DNAH6: variants seen among roughly 807,000 people sequenced by gnomAD.
The protein encoded by DNAH6 is axonemal beta dynein heavy chain 6.
DNAH6 carries 340 observed loss-of-function variants against 491.4 expected under a neutral mutation model. That is an observed-to-expected ratio of 0.69 (90% CI 0.63 to 0.76). DNAH6 has a LOEUF of 0.76. DNAH6 is among the 30% of genes least tolerant of loss of function. The pLI, the probability that DNAH6 is intolerant of heterozygous loss-of-function variation, is 0.00. For missense variants in DNAH6, 4,443 were observed against 4,972.2 expected (o/e 0.89, Z 3.20); for synonymous variants, 1,603 against 1,686.1 (o/e 0.95, Z 1.21).
intron 62 of DNAH6, among the ~76,000 whole-genome samples, chr2:84,741,666 G>T (rs1022530232): frequency 1.9e-4 from 29 of 152,198 alleles, no homozygotes; most frequent in Non-Finnish European, 3.8e-4. Flanking sequence ...GTGCATGAGT[G>T]TGCCCGTTCT....
chr2:84,757,185 G>A (rs1674115700), intron 63 of DNAH6, among the ~76,000 whole-genome samples: 1 of 152,174 alleles, frequency 6.6e-6, no homozygotes, highest in Non-Finnish European at 1.5e-5. Context: ...ATCCAAAAGA[G>A]GCACAGGGAG....
intron 20 of DNAH6, 49 bp downstream of exon 20, chr2:84,605,641 C>T: frequency 1.7e-6 from 2 of 1,211,650 alleles, no homozygotes; most frequent in Non-Finnish European, 1.2e-6. Flanking sequence ...CCAGCCACAC[C>T]TAGTCTTAAA....
chr2:84,729,598 A>C (rs1698954387), intron 61 of DNAH6, among the ~76,000 whole-genome samples: 1 of 152,236 alleles, frequency 6.6e-6, no homozygotes, highest in Non-Finnish European at 1.5e-5. Context: ...TGTCCATTCC[A>C]GCACCACCTA....
intron 18 of DNAH6, among the ~76,000 whole-genome samples, chr2:84,599,718 T>A (rs1180206677): frequency 6.6e-6 from 1 of 152,210 alleles, no homozygotes; most frequent in Non-Finnish European, 1.5e-5. Context: ...GTTTCATTGT[T>A]CTATAAGCCT....
intron 49 of DNAH6, among the ~76,000 whole-genome samples, chr2:84,702,478 G>A (rs1437119126): frequency 2.0e-5 from 3 of 151,352 alleles, no homozygotes; most frequent in Non-Finnish European, 4.4e-5. Context: ...GTTCTTACCT[G>A]GTTAAATGCC....
chr2:84,564,101 T>C (rs1680934551), intron 11 of DNAH6, among the ~76,000 whole-genome samples: 1 of 152,176 alleles, frequency 6.6e-6, no homozygotes, highest in Non-Finnish European at 1.5e-5. Context: ...TACTGTAGCC[T>C]TGTAGCATAG....
intron 31 of DNAH6, among the ~76,000 whole-genome samples, chr2:84,639,785 A>G (rs1422538840): frequency 6.6e-6 from 1 of 152,204 alleles, no homozygotes; most frequent in African/African-American, 2.4e-5. Context: ...GGGATAGGGC[A>G]GTAAACAAAA....
At chr2:84,808,615 T>C in intron 72 of DNAH6, 73 bp downstream of exon 72, 1 of 1,442,324 alleles carries the variant, frequency 6.9e-7, no homozygotes, top group South Asian at 1.2e-5. Context: ...ATGAAATTCT[T>C]CCATTCCCAT....
chr2:84,667,871 A>T (rs1220472936), intron 37 of DNAH6, among the ~76,000 whole-genome samples: 5 of 152,240 alleles, frequency 3.3e-5, no homozygotes, highest in Admixed American at 6.5e-5. Context: ...TGGATTAAGA[A>T]AATGTGGCAC....
chr2:84,631,951 T>C (rs1367298207), intron 29 of DNAH6, among the ~76,000 whole-genome samples: 2 of 152,226 alleles, frequency 1.3e-5, no homozygotes, highest in African/African-American at 2.4e-5. Context: ...CCTAATATCC[T>C]TTTACCAAGA....
rs777249347 is a variant in DNAH6, at chr2:84,709,466, C to T, written c.9172C>T (p.Arg3058Cys). 41 of 1,551,474 alleles carry T rather than the reference C, an allele frequency of 2.6e-5. No homozygotes were observed. The highest frequency in any genetic ancestry group is 3.1e-5 in the Non-Finnish European group (36 of 1,147,002). Reference protein sequence around the residue: ...IRQWNTDGLPRDLISTENGIL... With the variant: ...IRQWNTDGLPCDLISTENGIL... ...GCAGTGGAACACTGATGGGCTGCCC[C>T]GTGACTTGATATCAACAGAAAATGG... The change falls in exon 55 of 77, where the codon CGT (arginine) becomes TGT (cysteine). Residue 3058 changes from arginine (R) to cysteine (C), a missense_variant. Arg to Cys is a radical substitution (Grantham distance 180, BLOSUM62 -3). Around this residue, in one of 3 missense-constraint regions of DNAH6, gnomAD observed 1,463 missense variants for 1,656.6 expected, o/e 0.88. Transcript: ENST00000389394.
chr2:84,530,106 C>T (rs1677017196), intron 4 of DNAH6, among the ~76,000 whole-genome samples: 1 of 152,160 alleles, frequency 6.6e-6, no homozygotes, highest in South Asian at 2.1e-4. Flanking sequence ...AACTGTTTTA[C>T]GTGCTTGAGA....
At chr2:84,726,921 G>A (rs915065724) in intron 60 of DNAH6, among the ~76,000 whole-genome samples, 9 of 152,118 alleles carry the variant, frequency 5.9e-5, no homozygotes, top group Non-Finnish European at 8.8e-5. Flanking sequence ...ATAATATGGG[G>A]CACCTTTGTG....
the DNAH6 span, among the ~76,000 whole-genome samples, chr2:84,501,820 G>T: frequency 6.6e-6 from 1 of 150,734 alleles, no homozygotes; most frequent in Non-Finnish European, 1.5e-5. Flanking sequence ...GCATGTAATT[G>T]GTCATAGCAG....
At chr2:84,638,103 C>T (rs1469895115) in intron 31 of DNAH6, among the ~76,000 whole-genome samples, 1 of 151,802 alleles carries the variant, frequency 6.6e-6, no homozygotes, top group Non-Finnish European at 1.5e-5. Flanking sequence ...ATAACCCAGT[C>T]TCAAAATAAA....
chr2:84,571,317 C>T (rs753233071), intron 11 of DNAH6, among the ~76,000 whole-genome samples: 24 of 152,074 alleles, frequency 1.6e-4, no homozygotes, highest in Non-Finnish European at 2.9e-5. Context: ...ATTTACATAG[C>T]CTCAAATTCT....
Position 84,762,822 on chromosome 2 carries a change from T to C in DNAH6, c.10580T>C (p.Val3527Ala). The C allele has an allele frequency of 6.4e-7, 1 of 1,551,364 alleles. No individual in the cohort carries two copies. The stretch of plus-strand genomic sequence containing the variant: ...AAACAGTTTATAGAGACACCACCTG[T>C]GGACCTGCCTACCCTGTATCAAGAC... Reference protein sequence around the residue: ...LGKQFIETPPVDLPTLYQDMS... With the variant: ...LGKQFIETPPADLPTLYQDMS... The change falls in exon 64 of 77, where the codon GTG becomes GCG. Residue 3527 changes from valine (V) to alanine (A), a missense_variant. Val to Ala is a moderately conservative substitution (Grantham distance 64, BLOSUM62 0). Transcript: ENST00000389394.
At chr2:84,757,745 A>G (rs918220609) in intron 63 of DNAH6, among the ~76,000 whole-genome samples, 1 of 152,246 alleles carries the variant, frequency 6.6e-6, no homozygotes, top group Non-Finnish European at 1.5e-5. Context: ...ATTGTGAGAT[A>G]CAACCCTTGG....
upstream of DNAH6, among the ~76,000 whole-genome samples, chr2:84,511,549 G>A (rs546575833): frequency 1.2e-4 from 19 of 152,206 alleles, no homozygotes; most frequent in South Asian, 2.1e-4. Flanking sequence ...GCCCTGCTTC[G>A]GCTCACTCTC....
Sources: gnomAD v4.1 joint callset for allele counts (sites outside exome capture counted in the v4.1 genomes callset) on GRCh38, gnomAD v4.1.1 for gene constraint, gnomAD v4.1.1 regional missense constraint, MANE v1.5 for transcripts, NCBI Gene and HGNC (gene_info 2026-07-23, HGNC 2026-07-21) for gene names.